CLASP2: variants seen among roughly 807,000 people sequenced by gnomAD.
CLASP2 encodes cytoplasmic linker associated protein 2.
A neutral mutation model predicts 194.4 loss-of-function variants in CLASP2; 47 were observed. That is an observed-to-expected ratio of 0.24 (90% CI 0.19 to 0.31). The LOEUF (loss-of-function observed/expected upper bound fraction) is 0.31, where lower values mean the gene tolerates loss of function less well. Ranked by LOEUF, CLASP2 falls within the 10% of genes least tolerant of loss-of-function variation. The pLI, the probability that CLASP2 is intolerant of heterozygous loss-of-function variation, is 1.00. For synonymous variants in CLASP2, 619 were observed against 633.5 expected (o/e 0.98, Z 0.34); for missense variants, 1,445 against 1,823.6 (o/e 0.79, Z 3.78).
chr3:33,568,307 C>A (rs1039122736), intron 26 of CLASP2, among the ~76,000 whole-genome samples: 2 of 151,960 alleles, frequency 1.3e-5, no homozygotes, highest in African/African-American at 4.8e-5. Context: ...CATCACAGCA[C>A]TTTGGGGGGA....
intron 1 of CLASP2, among the ~76,000 whole-genome samples, chr3:33,709,747 A>G (rs980252086): frequency 3.3e-5 from 5 of 152,218 alleles, no homozygotes; most frequent in African/African-American, 4.8e-5. Flanking sequence ...GAATAAATGT[A>G]TAAGTGTATA....
At chr3:33,555,180 G>A (rs1005812059) in intron 29 of CLASP2, among the ~76,000 whole-genome samples, 2 of 151,862 alleles carry the variant, frequency 1.3e-5, no homozygotes, top group Non-Finnish European at 2.9e-5. Context: ...AACATTATAT[G>A]CCATAAATAT....
At chr3:33,700,986 G>A (rs572704143) in intron 1 of CLASP2, among the ~76,000 whole-genome samples, 2 of 152,262 alleles carry the variant, frequency 1.3e-5, no homozygotes, top group African/African-American at 4.8e-5. Flanking sequence ...TTAAGTCCAA[G>A]ATCTACATGC....
At chr3:33,631,832 T>C (rs912656417) in intron 9 of CLASP2, among the ~76,000 whole-genome samples, 2 of 146,598 alleles carry the variant, frequency 1.4e-5, no homozygotes, top group African/African-American at 2.6e-5. Flanking sequence ...GAATCACAAA[T>C]TTTACATCAC....
At chr3:33,515,878 A>T in intron 36 of CLASP2, 145 bp downstream of exon 36, 2 of 676,582 alleles carry the variant, frequency 3.0e-6, no homozygotes, top group South Asian at 3.8e-5. Flanking sequence ...ATAGAAAAAA[A>T]TATGCTTGCA....
intron 27 of CLASP2, among the ~76,000 whole-genome samples, chr3:33,563,568 C>CT (rs2062143279): frequency 6.6e-6 from 1 of 152,194 alleles, no homozygotes; most frequent in Non-Finnish European, 1.5e-5. Context: ...TATCCTAGGG[C>CT]TTTGCAAGCC....
intron 1 of CLASP2, among the ~76,000 whole-genome samples, chr3:33,704,586 T>C (rs2092576947): frequency 1.3e-5 from 2 of 152,070 alleles, no homozygotes; most frequent in South Asian, 2.1e-4. Context: ...ACCCCATCTC[T>C]AATAAAAATA....
chr3:33,687,076 C>T lies in CLASP2; in HGVS notation c.530G>A (p.Gly177Glu), dbSNP rs766871750. ...AAATTTTACCTGACTGTTGGAGTCT[C>T]CAAACAGGATACACAAATGTGGTAT... ...KLIPHLCILFGDSNSQVRDAA... is the reference protein window; with the variant it reads ...KLIPHLCILFEDSNSQVRDAA... The change falls in exon 5 of 39, where the codon GGA becomes GAA. Residue 177 changes from glycine to glutamate, a missense_variant. By Grantham distance (98) the Gly-to-Glu change is moderately conservative. Transcript: ENST00000682230. 6.3e-7 allele frequency: 1 copy of T among 1,595,258 alleles called. No homozygotes were observed. The highest frequency in any genetic ancestry group is 1.1e-5 in the South Asian group (1 of 87,200).
At chr3:33,534,704 C>T (rs553403276) in intron 34 of CLASP2, among the ~76,000 whole-genome samples, 3 of 152,270 alleles carry the variant, frequency 2.0e-5, no homozygotes, top group South Asian at 4.1e-4. Context: ...AACTGAGACT[C>T]GGGAAAGTTA....
intron 34 of CLASP2, among the ~76,000 whole-genome samples, chr3:33,534,696 CTG>C (rs2154133596): frequency 6.6e-6 from 1 of 152,282 alleles, no homozygotes; most frequent in African/African-American, 2.4e-5. Flanking sequence ...GAGGTGATAA[CTG>C]AGACTCGGGA....
chr3:33,686,951 A>G (rs2090749831), intron 5 of CLASP2, 109 bp downstream of exon 5: 5 of 610,826 alleles, frequency 8.2e-6, no homozygotes, highest in Non-Finnish European at 1.4e-5. Flanking sequence ...TCTTGATTTC[A>G]GCATCCCCCT....
intron 1 of CLASP2, among the ~76,000 whole-genome samples, chr3:33,707,881 G>T (rs1236350517): frequency 6.6e-6 from 1 of 152,098 alleles, no homozygotes; most frequent in Non-Finnish European, 1.5e-5. Flanking sequence ...TAATAAATAT[G>T]TTGACTCTTG....
In CLASP2 at chr3:33,544,762, G is replaced by A; in HGVS notation, c.3233C>T (p.Thr1078Ile). 6.2e-7 allele frequency: 1 copy of A among 1,613,478 alleles called. No individual in the cohort carries two copies. The highest frequency in any genetic ancestry group is 8.5e-7 in the Non-Finnish European group (1 of 1,179,620). Residue 1078 changes from threonine (T) to isoleucine (I), a missense_variant, in exon 31 of 39, where the codon ACT becomes ATT. Transcript: ENST00000682230. ...FTMLLGALPK[T>I]FQDGATKLLH... ...AAGCTTGGTAGCACCATCCTGAAAAGTTTTTGGTAAAGCTCCTAATAACAT... is the reference window on the plus strand; with the variant it reads ...AAGCTTGGTAGCACCATCCTGAAAAATTTTTGGTAAAGCTCCTAATAACAT...
chr3:33,500,690 TTAATG>T (rs777387852), intron 38 of CLASP2, among the ~76,000 whole-genome samples: 34 of 152,336 alleles, frequency 2.2e-4, no homozygotes, highest in Non-Finnish European at 4.1e-4. Flanking sequence ...TATCTATAAC[TTAATG>T]TAAAGTGTGT....
intron 31 of CLASP2, among the ~76,000 whole-genome samples, chr3:33,543,842 T>C (rs1179451118): frequency 6.6e-6 from 1 of 152,212 alleles, no homozygotes; most frequent in Non-Finnish European, 1.5e-5. Flanking sequence ...GCTAATTTCC[T>C]TCTTCTAACC....
chr3:33,689,054 A>G (rs2091041144), intron 3 of CLASP2, among the ~76,000 whole-genome samples: 1 of 152,038 alleles, frequency 6.6e-6, no homozygotes, highest in Admixed American at 6.6e-5. Flanking sequence ...CTAAATTCAA[A>G]TATACAACAT....
intron 7 of CLASP2, among the ~76,000 whole-genome samples, chr3:33,654,013 T>G (rs2083684462): frequency 6.8e-6 from 1 of 145,986 alleles, no homozygotes; most frequent in African/African-American, 2.6e-5. Flanking sequence ...GAAGGCACAT[T>G]CCCTTTGCTC....
chr3:33,501,525 G>C (rs1324159573), intron 38 of CLASP2, 127 bp downstream of exon 38: 1 of 597,126 alleles, frequency 1.7e-6, no homozygotes, highest in Non-Finnish European at 3.0e-6. Context: ...AAATAATAAG[G>C]GCAAGTTGGA....
intron 8 of CLASP2, among the ~76,000 whole-genome samples, chr3:33,643,724 T>C (rs865941667): frequency 3.3e-5 from 5 of 152,130 alleles, no homozygotes; most frequent in Middle Eastern, 3.4e-3. Context: ...AGTTTTTCTA[T>C]ATTTAGAATC....
Sources: allele counts gnomAD v4.1 joint callset (sites outside exome capture counted in the v4.1 genomes callset), GRCh38; gene constraint gnomAD v4.1.1; transcripts MANE v1.5; gene names NCBI Gene and HGNC (gene_info 2026-07-23, HGNC 2026-07-21).